The following PTPRD variants were observed in gnomAD, a reference collection of about 807,000 sequenced individuals.
PTPRD encodes the protein receptor-type tyrosine-protein phosphatase delta.
In PTPRD, 34 loss-of-function variants were observed where a neutral mutation model predicts 214.5. The observed-to-expected ratio is 0.16, with a 90% CI of 0.12 to 0.21. PTPRD has a LOEUF of 0.21. Among genes scored for constraint, PTPRD ranks in the 10% least tolerant of loss-of-function variants. The pLI is 1.00. For missense variants in PTPRD, 2,545 were observed against 2,398.7 expected (o/e 1.06, Z -1.27); for synonymous variants, 1,128 against 845.7 (o/e 1.33, Z -5.79).
chr9:9,995,332 C>T (rs760980924), intron 4 of PTPRD, among the ~76,000 whole-genome samples: 1 of 152,012 alleles, frequency 6.6e-6, no homozygotes, highest in Non-Finnish European at 1.5e-5. Context: ...AACAATCAAA[C>T]AAAAACAAGG....
At chr9:9,046,167 T>G (rs2099671633) in intron 10 of PTPRD, among the ~76,000 whole-genome samples, 1 of 152,242 alleles carries the variant, frequency 6.6e-6, no homozygotes, top group South Asian at 2.1e-4. Flanking sequence ...AATGTCTTTC[T>G]AATTGCTTGA....
chr9:10,269,401 A>G (rs2094292994), intron 3 of PTPRD, among the ~76,000 whole-genome samples: 1 of 152,198 alleles, frequency 6.6e-6, no homozygotes, highest in African/African-American at 2.4e-5. Flanking sequence ...ATGCATGTAT[A>G]TATGTGCATG....
chr9:9,211,475 CTTCT>C (rs1372192035), intron 9 of PTPRD, among the ~76,000 whole-genome samples: 3 of 149,578 alleles, frequency 2.0e-5, no homozygotes, highest in Non-Finnish European at 4.4e-5. Flanking sequence ...TCCTTCCTTC[CTTCT>C]TTCTTTCCTT....
chr9:9,124,477 C>T (rs1039048870), intron 10 of PTPRD, among the ~76,000 whole-genome samples: 1 of 151,836 alleles, frequency 6.6e-6, no homozygotes, highest in Admixed American at 6.6e-5. Context: ...GAAATTAGAC[C>T]AGAGAAGAAA....
intron 9 of PTPRD, among the ~76,000 whole-genome samples, chr9:9,255,630 G>C (rs2099977393): frequency 6.6e-6 from 1 of 151,984 alleles, no homozygotes; most frequent in South Asian, 2.1e-4. Context: ...TGTACAAAGA[G>C]ATGCTAAGAA....
At chr9:9,952,274 T>C (rs185899729) in intron 4 of PTPRD, among the ~76,000 whole-genome samples, 66 of 152,266 alleles carry the variant, frequency 4.3e-4, no homozygotes, top group African/African-American at 4.3e-4. Context: ...TTGGGCTCTG[T>C]AGTGGAATTC....
chr9:9,187,940 T>A (rs554266510), intron 9 of PTPRD, among the ~76,000 whole-genome samples: 1 of 152,032 alleles, frequency 6.6e-6, no homozygotes, highest in Admixed American at 6.6e-5. Flanking sequence ...AATCAATATA[T>A]AATGCACTTA....
intron 2 of PTPRD, among the ~76,000 whole-genome samples, chr9:10,595,761 C>T (rs1161702643): frequency 1.3e-5 from 2 of 151,650 alleles, no homozygotes; most frequent in Non-Finnish European, 2.9e-5. Flanking sequence ...TTTCTGTAAG[C>T]TCTAACACTT....
At chr9:10,490,561 AT>A (rs1474138809) in intron 2 of PTPRD, among the ~76,000 whole-genome samples, 3 of 152,212 alleles carry the variant, frequency 2.0e-5, no homozygotes, top group African/African-American at 7.2e-5. Context: ...CATTTTTGAC[AT>A]TTCTTAAGTT....
intron 3 of PTPRD, among the ~76,000 whole-genome samples, chr9:10,076,105 T>C (rs990622510): frequency 9.9e-5 from 15 of 152,128 alleles, no homozygotes; most frequent in Admixed American, 2.0e-4. Flanking sequence ...ACTGCCAACA[T>C]CTTCATATTC....
intron 3 of PTPRD, among the ~76,000 whole-genome samples, chr9:10,126,766 G>C (rs1445480127): frequency 5.3e-5 from 8 of 152,080 alleles, no homozygotes; most frequent in African/African-American, 1.9e-4. Flanking sequence ...AATTTTGCTT[G>C]AGAACTGTTC....
At chr9:9,067,494 G>A (rs1312524099) in intron 10 of PTPRD, among the ~76,000 whole-genome samples, 4 of 152,092 alleles carry the variant, frequency 2.6e-5, no homozygotes, top group Admixed American at 2.6e-4. Context: ...CTCTATTCAA[G>A]TGTACCTCTT....
chr9:9,618,833 T>C (rs1249144137), intron 7 of PTPRD, among the ~76,000 whole-genome samples: 2 of 151,954 alleles, frequency 1.3e-5, no homozygotes, highest in African/African-American at 4.8e-5. Context: ...CACCCAAGGA[T>C]AATGTATAGA....
intron 10 of PTPRD, among the ~76,000 whole-genome samples, chr9:9,052,570 A>G (rs187353730): frequency 2.0e-5 from 3 of 152,342 alleles, no homozygotes; most frequent in African/African-American, 7.2e-5. Context: ...AAGGCAGTGA[A>G]GTTCAGAAAT....
chr9:8,357,604 G>T (rs561429922), intron 39 of PTPRD, among the ~76,000 whole-genome samples: 4 of 152,246 alleles, frequency 2.6e-5, no homozygotes, highest in African/African-American at 9.6e-5. Flanking sequence ...AGAACAAACT[G>T]CTCCTTAGTA....
At chr9:10,165,008 T>C (rs533078516) in intron 3 of PTPRD, among the ~76,000 whole-genome samples, 4 of 151,682 alleles carry the variant, frequency 2.6e-5, no homozygotes, top group South Asian at 2.1e-4. Context: ...GGGAAGAAAA[T>C]TGCCTCATCT....
At chr9:9,512,095 T>C (rs2096723587) in intron 8 of PTPRD, among the ~76,000 whole-genome samples, 1 of 151,786 alleles carries the variant, frequency 6.6e-6, no homozygotes, top group African/African-American at 2.4e-5. Flanking sequence ...TTTCCTCTCA[T>C]TGCATCTCAC....
At chr9:9,336,280 T>G (rs2044444636) in intron 9 of PTPRD, among the ~76,000 whole-genome samples, 1 of 152,122 alleles carries the variant, frequency 6.6e-6, no homozygotes, top group Admixed American at 6.6e-5. Flanking sequence ...GAGATGTTGG[T>G]CATACAGATA....
chr9:9,255,684 CA>C (rs1235783676), intron 9 of PTPRD, among the ~76,000 whole-genome samples: 1 of 151,946 alleles, frequency 6.6e-6, no homozygotes, highest in East Asian at 1.9e-4. Context: ...CAAAATACTG[CA>C]AAAAAGTTTT....
Sources: gnomAD v4.1 joint callset for allele counts (sites outside exome capture counted in the v4.1 genomes callset) on GRCh38, gnomAD v4.1.1 for gene constraint, MANE v1.5 for transcripts, NCBI Gene and HGNC (gene_info 2026-07-23, HGNC 2026-07-21) for gene names.